Variants in PARP8 observed in about 807,000 individuals in gnomAD.
PARP8 encodes poly(ADP-ribose) polymerase family member 8, also known as protein mono-ADP-ribosyltransferase PARP8.
PARP8 carries 51 observed loss-of-function variants against 124.1 expected under a neutral mutation model. The observed-to-expected ratio is 0.41, with a 90% CI of 0.33 to 0.52. The LOEUF is 0.52. PARP8 is among the 20% of genes least tolerant of loss of function. PARP8 has a pLI of 0.21. For synonymous variants in PARP8, 391 were observed against 361.5 expected, an observed-to-expected ratio of 1.08 and a Z score of -0.93; for missense variants, 860 against 1,018.9, an observed-to-expected ratio of 0.84 and a Z score of 2.12.
intron 7 of PARP8, among the ~76,000 whole-genome samples, chr5:50,769,441 A>G (rs1171356563): frequency 6.6e-6 from 1 of 152,086 alleles, no homozygotes; most frequent in Non-Finnish European, 1.5e-5. Flanking sequence ...CATTGTGATA[A>G]CCTGGCTGGT....
chr5:50,794,057 G>A, intron 10 of PARP8, 150 bp from the exon 11 acceptor site: 1 of 791,552 alleles, frequency 1.3e-6, no homozygotes, highest in Non-Finnish European at 1.8e-6. Flanking sequence ...TCCTACATAT[G>A]AAAAATCTTG....
intron 25 of PARP8, among the ~76,000 whole-genome samples, chr5:50,841,008 T>C (rs1748120567): frequency 6.6e-6 from 1 of 151,906 alleles, no homozygotes; most frequent in Non-Finnish European, 1.5e-5. Flanking sequence ...AAGCAGTGGA[T>C]TACATAAGGA....
chr5:50,693,205 G>A (rs1752677061), intron 2 of PARP8, among the ~76,000 whole-genome samples: 1 of 152,028 alleles, frequency 6.6e-6, no homozygotes, highest in African/African-American at 2.4e-5. Flanking sequence ...TTTTTAAATG[G>A]CCTGCCTCAA....
At chr5:50,808,217 CA>C (rs1744075437) in intron 14 of PARP8, among the ~76,000 whole-genome samples, 1 of 151,482 alleles carries the variant, frequency 6.6e-6, no homozygotes. Context: ...GACCCTTTTC[CA>C]AAAGGGATTT....
intron 9 of PARP8, among the ~76,000 whole-genome samples, chr5:50,786,839 C>T (rs914199405): frequency 6.6e-6 from 1 of 152,126 alleles, no homozygotes; most frequent in Non-Finnish European, 1.5e-5. Flanking sequence ...CAGCCTCATG[C>T]CTTTATATAT....
intron 2 of PARP8, among the ~76,000 whole-genome samples, chr5:50,734,125 G>A (rs555671341): frequency 6.0e-4 from 91 of 152,210 alleles, no homozygotes; most frequent in African/African-American, 2.2e-3. Context: ...TGATAAAAAG[G>A]CTTTTAACAT....
At chr5:50,732,852 T>C (rs1757107641) in intron 2 of PARP8, among the ~76,000 whole-genome samples, 1 of 151,880 alleles carries the variant, frequency 6.6e-6, no homozygotes, top group East Asian at 2.0e-4. Flanking sequence ...TCTCCTGACC[T>C]CATGATCTGC....
chr5:50,825,095 C>A, intron 18 of PARP8, 120 bp downstream of exon 18: 1 of 800,388 alleles, frequency 1.2e-6, no homozygotes, highest in Non-Finnish European at 2.1e-6. Flanking sequence ...TGCTATAGTT[C>A]TACAAGCTTA....
intron 2 of PARP8, among the ~76,000 whole-genome samples, chr5:50,678,798 C>T (rs551879380): frequency 1.3e-5 from 2 of 152,252 alleles, no homozygotes; most frequent in Non-Finnish European, 1.5e-5. Flanking sequence ...ACAAGGCCTG[C>T]TGAGTTAACC....
chr5:50,713,640 C>G (rs1356274778), intron 2 of PARP8, among the ~76,000 whole-genome samples: 1 of 151,818 alleles, frequency 6.6e-6, no homozygotes, highest in Non-Finnish European at 1.5e-5. Flanking sequence ...CATCCTAATC[C>G]TGGAACTTGT....
intron 2 of PARP8, among the ~76,000 whole-genome samples, chr5:50,748,990 C>A (rs1009401496): frequency 6.6e-6 from 1 of 152,146 alleles, no homozygotes; most frequent in African/African-American, 2.4e-5. Flanking sequence ...CCCCATAAGT[C>A]ACTGATAGTC....
At chr5:50,824,432 G>A (rs1746112897) in intron 17 of PARP8, among the ~76,000 whole-genome samples, 1 of 152,132 alleles carries the variant, frequency 6.6e-6, no homozygotes, top group Non-Finnish European at 1.5e-5. Context: ...GAAGCAAAAG[G>A]CGCTACAAGT....
intron 25 of PARP8, among the ~76,000 whole-genome samples, chr5:50,836,213 T>C (rs1322956582): frequency 2.0e-5 from 3 of 152,110 alleles, no homozygotes; most frequent in Admixed American, 2.0e-4. Context: ...CAGCAGTGAG[T>C]ATAGGAGAAG....
At chr5:50,824,029 G>A (rs909595614) in intron 17 of PARP8, among the ~76,000 whole-genome samples, 4 of 152,214 alleles carry the variant, frequency 2.6e-5, no homozygotes, top group African/African-American at 7.2e-5. Context: ...ATACTGTGCT[G>A]TTTTCTAGAA....
In PARP8 at chr5:50,834,985, C is replaced by T; in HGVS notation, c.2432C>T (p.Thr811Ile). 6.2e-7 allele frequency: 1 copy of T among 1,613,330 alleles called. No homozygotes were observed. The highest frequency in any genetic ancestry group is 8.5e-7 in the Non-Finnish European group (1 of 1,179,552). The change falls in exon 25 of 26, where the codon ACT becomes ATT. Residue 811 changes from threonine (T) to isoleucine (I), a missense_variant. Thr to Ile is a moderately conservative substitution (Grantham distance 89). Coordinates refer to ENST00000281631, the MANE Select transcript of PARP8 (RefSeq NM_024615.4). ...KHGEIWVVPN[T>I]DHVCTRFFFV... Reference sequence around the variant, plus strand: ...GGAGAGATATGGGTTGTCCCCAATACTGACCATGTCTGCACACGATTCTTT... The same window carrying T: ...GGAGAGATATGGGTTGTCCCCAATATTGACCATGTCTGCACACGATTCTTT...
intron 2 of PARP8, among the ~76,000 whole-genome samples, chr5:50,747,851 C>A (rs1413386644): frequency 7.7e-6 from 1 of 130,378 alleles, no homozygotes; most frequent in Non-Finnish European, 1.6e-5. Flanking sequence ...CGGCTCACTT[C>A]AAGCTCCGCC....
At chr5:50,819,803 A>G (rs1369677986) in intron 15 of PARP8, among the ~76,000 whole-genome samples, 1 of 152,082 alleles carries the variant, frequency 6.6e-6, no homozygotes, top group East Asian at 1.9e-4. Flanking sequence ...TTCATTAGAG[A>G]CCAGATAATG....
Position 50,842,311 on chromosome 5 carries a change from G to A in PARP8, c.*243G>A. The A allele has an allele frequency of 3.2e-6, 1 of 313,556 alleles. No individual in the cohort carries two copies. Among genetic ancestry groups the A allele is most frequent in the Non-Finnish European group, 5.8e-6 (1 of 171,968 alleles). The allele number at this position is 313,556 out of a possible 1,614,324, so 19.4% of individuals were successfully genotyped here. A position where few individuals can be genotyped will look rare whatever the true frequency, so the allele number is the denominator to read the frequency against. On this transcript the variant is annotated 3_prime_UTR_variant, in exon 26 of 26. Transcript: ENST00000281631. ...TCAACAGCACTTAAACTGAAGTTTGGGTTGCTCATACAATAAACAGATTGA... is the reference window on the plus strand; with the variant it reads ...TCAACAGCACTTAAACTGAAGTTTGAGTTGCTCATACAATAAACAGATTGA...
intron 2 of PARP8, among the ~76,000 whole-genome samples, chr5:50,677,256 GAT>G (rs1237769947): frequency 6.6e-6 from 1 of 150,772 alleles, no homozygotes; most frequent in Non-Finnish European, 1.5e-5. Flanking sequence ...CTGCTCCATG[GAT>G]ATAAGCTGAT....
Sources: allele counts gnomAD v4.1 joint callset (sites outside exome capture counted in the v4.1 genomes callset), GRCh38; gene constraint gnomAD v4.1.1; transcripts MANE v1.5; gene names NCBI Gene and HGNC (gene_info 2026-07-23, HGNC 2026-07-21).